The following INPP4B variants were observed in gnomAD, a reference collection of about 807,000 sequenced individuals.
INPP4B encodes the protein inositol polyphosphate-4-phosphatase type II B.
Under a neutral mutation model 122.5 loss-of-function variants are expected in INPP4B, and 55 were observed. The observed-to-expected ratio is 0.45, with a 90% CI of 0.36 to 0.56. The LOEUF is 0.56. Among genes scored for constraint, INPP4B ranks in the 20% least tolerant of loss-of-function variants. The pLI is 0.00. For synonymous variants in INPP4B, 403 were observed against 388.7 expected, an observed-to-expected ratio of 1.04 and a Z score of -0.43; for missense variants, 1,000 against 1,097.7, an observed-to-expected ratio of 0.91 and a Z score of 1.26.
intron 2 of INPP4B, among the ~76,000 whole-genome samples, chr4:142,581,487 TTCTA>T (rs1250374474): frequency 1.3e-5 from 2 of 148,958 alleles, no homozygotes; most frequent in Non-Finnish European, 3.0e-5. Flanking sequence ...GAAGTTCCAT[TTCTA>T]TCTATTAGAA....
chr4:142,300,441 T>C (rs894201036), intron 9 of INPP4B, among the ~76,000 whole-genome samples: 7 of 152,206 alleles, frequency 4.6e-5, no homozygotes, highest in Admixed American at 4.6e-4. Flanking sequence ...TGTATGTTCA[T>C]GTGTGTGTAT....
rs183316542 is a variant in INPP4B, at chr4:142,298,654, A to G, written c.503+6804T>C. Among the ~76,000 whole-genome samples, 792 of 127,876 alleles carry G rather than the reference A, an allele frequency of 6.2e-3. 7 individuals are homozygous for G. Among genetic ancestry groups the G allele is most frequent in the African/African-American group, 0.023 (765 of 33,342 alleles). The allele number at this position is 127,876 out of a possible 152,430, so 83.9% of individuals were successfully genotyped here. On this transcript the variant is annotated intron_variant, in intron 9 of 25. Transcript: ENST00000262992. Reference sequence around the variant, plus strand: ...AGCAGACATTGCACCATTGAACTCCAGCCTTGGTGACAGAGCAAGACTCTG... The same window carrying G: ...AGCAGACATTGCACCATTGAACTCCGGCCTTGGTGACAGAGCAAGACTCTG...
intron 1 of INPP4B, among the ~76,000 whole-genome samples, chr4:142,820,750 C>A (rs532930280): frequency 6.6e-6 from 1 of 152,192 alleles, no homozygotes; most frequent in South Asian, 2.1e-4. Context: ...AATAGGAATG[C>A]TTTATTCAAA....
intron 25 of INPP4B, among the ~76,000 whole-genome samples, chr4:142,055,392 T>C (rs552880687): frequency 6.6e-6 from 1 of 152,200 alleles, no homozygotes; most frequent in South Asian, 2.1e-4. Flanking sequence ...CAGAATAAGC[T>C]ATGGTAAATA....
chr4:142,732,497 C>T (rs1284433445), intron 1 of INPP4B, among the ~76,000 whole-genome samples: 1 of 151,852 alleles, frequency 6.6e-6, no homozygotes, highest in Non-Finnish European at 1.5e-5. Context: ...GTAAATTTAG[C>T]AATGTTACTG....
intron 12 of INPP4B, among the ~76,000 whole-genome samples, chr4:142,227,332 C>T (rs1579355128): frequency 6.6e-6 from 1 of 152,070 alleles, no homozygotes; most frequent in African/African-American, 2.4e-5. Flanking sequence ...GTGAATGCTG[C>T]TGGGATGCCA....
intron 9 of INPP4B, among the ~76,000 whole-genome samples, chr4:142,295,043 G>C (rs1758072595): frequency 6.6e-6 from 1 of 151,928 alleles, no homozygotes; most frequent in African/African-American, 2.4e-5. Context: ...AAATGATGCA[G>C]AGATTTCTAG....
chr4:142,763,728 T>C (rs922491733), intron 1 of INPP4B, among the ~76,000 whole-genome samples: 1 of 152,130 alleles, frequency 6.6e-6, no homozygotes, highest in African/African-American at 2.4e-5. Flanking sequence ...GTAAAAGTGA[T>C]GCCTGAACCA....
chr4:142,159,858 C>T (rs1024956982), intron 17 of INPP4B, among the ~76,000 whole-genome samples: 1 of 151,826 alleles, frequency 6.6e-6, no homozygotes, highest in Non-Finnish European at 1.5e-5. Context: ...AACTTTAGAG[C>T]ACCTAGAGCA....
intron 10 of INPP4B, among the ~76,000 whole-genome samples, chr4:142,269,380 C>A (rs1488363079): frequency 6.6e-6 from 1 of 151,994 alleles, no homozygotes; most frequent in Non-Finnish European, 1.5e-5. Context: ...TTGGAAAAGG[C>A]AGGGGTCACA....
At chr4:142,599,458 A>G (rs976408765) in intron 2 of INPP4B, among the ~76,000 whole-genome samples, 3 of 152,328 alleles carry the variant, frequency 2.0e-5, no homozygotes, top group Middle Eastern at 3.4e-3. Context: ...AGAATATGCT[A>G]TGGCACACAG....
chr4:142,413,694 G>T (rs1471034191), intron 5 of INPP4B, among the ~76,000 whole-genome samples: 2 of 152,128 alleles, frequency 1.3e-5, no homozygotes, highest in South Asian at 4.1e-4. Flanking sequence ...CTGTCTCATA[G>T]TTCCATTAGT....
chr4:142,438,317 G>A (rs1810971558), intron 3 of INPP4B, among the ~76,000 whole-genome samples: 1 of 152,168 alleles, frequency 6.6e-6, no homozygotes. Flanking sequence ...CAAGGCTATA[G>A]TAACCAAAAC....
intron 2 of INPP4B, among the ~76,000 whole-genome samples, chr4:142,542,551 CA>C (rs1829059877): frequency 6.6e-6 from 1 of 152,280 alleles, no homozygotes; most frequent in Non-Finnish European, 1.5e-5. Context: ...AATTAATACA[CA>C]TGAAGCAATT....
chr4:142,718,625 C>T (rs932703972), intron 2 of INPP4B, among the ~76,000 whole-genome samples: 16 of 152,102 alleles, frequency 1.1e-4, no homozygotes, highest in African/African-American at 2.2e-4. Context: ...GTCAGGGCCA[C>T]GAGCAAGTGC....
At chr4:142,354,375 T>A (rs1299896715) in intron 7 of INPP4B, among the ~76,000 whole-genome samples, 2 of 152,004 alleles carry the variant, frequency 1.3e-5, no homozygotes, top group Non-Finnish European at 2.9e-5. Flanking sequence ...ACGGCTCATT[T>A]ATATGTAGGA....
chr4:142,084,029 TGACTTAA>T lies in INPP4B; in HGVS notation c.2488-1851_2488-1845del, dbSNP rs1192296738. Among the ~76,000 whole-genome samples, 4 of 152,154 alleles carry T rather than the reference TGACTTAA, an allele frequency of 2.6e-5. No homozygotes were observed. In the East Asian group the frequency reaches 7.7e-4, roughly 29 times the overall value. On this transcript the variant is annotated intron_variant, in intron 24 of 25. Transcript: ENST00000262992. Reference sequence around the variant, plus strand: ...TTGATTTCTACAATACCTGAACTATTGACTTAACACACTTGATTGTCATTTGTCCTCT... The same window carrying T: ...TTGATTTCTACAATACCTGAACTATTCACACTTGATTGTCATTTGTCCTCT...
chr4:142,817,966 G>T (rs774153817), intron 1 of INPP4B, among the ~76,000 whole-genome samples: 6 of 152,048 alleles, frequency 3.9e-5, no homozygotes, highest in Admixed American at 2.0e-4. Context: ...AAAATAAATG[G>T]CCCACTTTCT....
intron 1 of INPP4B, among the ~76,000 whole-genome samples, chr4:142,839,652 C>T (rs1446729952): frequency 6.6e-6 from 1 of 151,988 alleles, no homozygotes; most frequent in African/African-American, 2.4e-5. Context: ...TTTGATGTAA[C>T]TTCTAAGGTT....
Sources: gnomAD v4.1 joint callset for allele counts (sites outside exome capture counted in the v4.1 genomes callset) on GRCh38, gnomAD v4.1.1 for gene constraint, MANE v1.5 for transcripts, NCBI Gene and HGNC (gene_info 2026-07-23, HGNC 2026-07-21) for gene names.